Variants in PDE4B observed in about 807,000 individuals in gnomAD.
PDE4B encodes 3',5'-cyclic-AMP phosphodiesterase 4B.
PDE4B carries 20 observed loss-of-function variants against 82.2 expected under a neutral mutation model. The observed-to-expected ratio is 0.24, with a 90% CI of 0.17 to 0.35. The LOEUF is 0.35. Among genes scored for constraint, PDE4B ranks in the 10% least tolerant of loss-of-function variants. The probability of loss-of-function intolerance (pLI) is 1.00; values close to 1 mark genes in which losing one functional copy is unlikely to be tolerated. For missense variants in PDE4B, 655 were observed against 907.2 expected (o/e 0.72, Z 3.57); for synonymous variants, 320 against 318.9 (o/e 1.00, Z -0.04).
chr1:66,327,865 A>G (rs1047392102), intron 7 of PDE4B, among the ~76,000 whole-genome samples: 3 of 152,222 alleles, frequency 2.0e-5, no homozygotes, highest in Non-Finnish European at 4.4e-5. Flanking sequence ...GCAACTTTAA[A>G]TGCAGCATTT....
intron 3 of PDE4B, among the ~76,000 whole-genome samples, chr1:66,092,752 A>G (rs1303802164): frequency 6.6e-6 from 1 of 151,988 alleles, no homozygotes; most frequent in Non-Finnish European, 1.5e-5. Flanking sequence ...CTAGGTAAGC[A>G]TAACTGGGAG....
chr1:65,872,861 T>C (rs1460382547), intron 1 of PDE4B, among the ~76,000 whole-genome samples: 2 of 152,194 alleles, frequency 1.3e-5, no homozygotes, highest in African/African-American at 2.4e-5. Context: ...GAGGAAAGAA[T>C]ATAGAGGTTA....
chr1:65,871,512 A>T (rs945196054), intron 1 of PDE4B, among the ~76,000 whole-genome samples: 4 of 152,228 alleles, frequency 2.6e-5, no homozygotes, highest in African/African-American at 9.6e-5. Flanking sequence ...GCAAATAAGA[A>T]AATTATTTCA....
chr1:66,209,420 A>G (rs1649843261), intron 3 of PDE4B, among the ~76,000 whole-genome samples: 1 of 152,190 alleles, frequency 6.6e-6, no homozygotes. Flanking sequence ...TCTTGGATTC[A>G]GACCCAGCTG....
intron 1 of PDE4B, among the ~76,000 whole-genome samples, chr1:65,862,635 T>C (rs1341442828): frequency 1.3e-5 from 2 of 152,224 alleles, no homozygotes; most frequent in East Asian, 3.8e-4. Context: ...TACTAGCTCC[T>C]CTTTGTACCT....
At chr1:66,173,281 G>C (rs1017332224) in intron 3 of PDE4B, among the ~76,000 whole-genome samples, 6 of 152,180 alleles carry the variant, frequency 3.9e-5, no homozygotes, top group African/African-American at 1.2e-4. Flanking sequence ...AATAGGGCTG[G>C]ATAAGCCCTC....
chr1:66,205,960 C>G (rs1649513308), intron 3 of PDE4B, among the ~76,000 whole-genome samples: 6 of 152,168 alleles, frequency 3.9e-5, no homozygotes, highest in Admixed American at 3.9e-4. Context: ...TTTCTAGACA[C>G]TCACAGTGAC....
At chr1:66,371,798 G>GA (rs35429965) in intron 16 of PDE4B, among the ~76,000 whole-genome samples, 1 of 152,124 alleles carries the variant, frequency 6.6e-6, no homozygotes, top group Admixed American at 6.5e-5. Context: ...AGTTAACAAG[G>GA]AAAAAATATT....
intron 1 of PDE4B, among the ~76,000 whole-genome samples, chr1:65,836,555 A>G (rs1646142269): frequency 6.6e-6 from 1 of 151,990 alleles, no homozygotes; most frequent in South Asian, 2.1e-4. Flanking sequence ...GGGGCATCCT[A>G]TTGCTCTGGC....
chr1:65,954,078 G>A (rs181871040), intron 3 of PDE4B, among the ~76,000 whole-genome samples: 11 of 152,068 alleles, frequency 7.2e-5, no homozygotes, highest in Non-Finnish European at 1.6e-4. Flanking sequence ...TGTATTTTTA[G>A]TAGATACGGG....
chr1:65,876,260 G>A (rs567689240), intron 1 of PDE4B, among the ~76,000 whole-genome samples: 49 of 152,030 alleles, frequency 3.2e-4, no homozygotes, highest in African/African-American at 1.2e-3. Context: ...ACATTTCTGT[G>A]TATAATTTAA....
At chr1:66,328,966 C>A (rs1348420133) in intron 7 of PDE4B, among the ~76,000 whole-genome samples, 12 of 152,188 alleles carry the variant, frequency 7.9e-5, no homozygotes, top group Non-Finnish European at 1.6e-4. Flanking sequence ...TGCTAAGATC[C>A]AAGGGGTTGT....
In PDE4B at chr1:66,374,348, A is replaced by C. The variant is rs2050891676; in HGVS notation, c.*1670A>C. 1 of 152,660 alleles carries C rather than the reference A, an allele frequency of 6.6e-6. No individual in the cohort carries two copies. Among genetic ancestry groups the C allele is most frequent in the African/African-American group, 2.4e-5 (1 of 41,442 alleles). 9.5% of individuals were successfully genotyped at this position (152,660 alleles called of 1,614,324 possible). On this transcript the variant is annotated 3_prime_UTR_variant, in exon 17 of 17. Coordinates refer to ENST00000341517, the MANE Select transcript of PDE4B (RefSeq NM_002600.4). ...TTACTGATGTCAGTTTCAGTTTGTAAAATATGTTTCATGCTTTCAGTTCAG... is the reference window on the plus strand; with the variant it reads ...TTACTGATGTCAGTTTCAGTTTGTACAATATGTTTCATGCTTTCAGTTCAG...
rs182106952 is a variant in PDE4B, at chr1:66,174,669, T to C, written c.282-72791T>C. ...TACTCAGGAGGCTGAGGCAGGAGAA[T>C]GACTTGAACCTGGGAGGTGGAGGTT... On this transcript the variant is annotated intron_variant, in intron 3 of 16. Transcript: ENST00000341517. Among the ~76,000 whole-genome samples, 222 of 152,024 alleles carry C rather than the reference T, an allele frequency of 1.5e-3. 2 individuals are homozygous for C. In the Middle Eastern group the frequency reaches 0.017, roughly 12 times the overall value.
intron 3 of PDE4B, among the ~76,000 whole-genome samples, chr1:66,120,103 C>A (rs1177625931): frequency 6.6e-6 from 1 of 152,304 alleles, no homozygotes; most frequent in South Asian, 2.1e-4. Flanking sequence ...TTTACAACAG[C>A]CTTCGGAAAC....
intron 1 of PDE4B, among the ~76,000 whole-genome samples, chr1:65,860,567 TG>T (rs1646443204): frequency 6.6e-6 from 1 of 152,236 alleles, no homozygotes; most frequent in South Asian, 2.1e-4. Context: ...TACCCAGTAA[TG>T]GGATTGCTGG....
In PDE4B at chr1:65,906,328, G is replaced by A. The variant is rs563120724; in HGVS notation, c.-70-6917G>A. Among the ~76,000 whole-genome samples, 6 of 152,256 alleles carry A rather than the reference G, an allele frequency of 3.9e-5. No homozygotes were observed. The East Asian group carries it at 9.6e-4, about 24-fold the overall frequency. On this transcript the variant is annotated intron_variant, in intron 1 of 16. Coordinates refer to ENST00000341517, the MANE Select transcript of PDE4B (RefSeq NM_002600.4). ...CTAATGCCATCTTCACTTTGGCACA[G>A]TGATAACTCAGAGATGAAAACTCTC...
At chr1:66,314,780 C>G (rs146236080) in intron 7 of PDE4B, among the ~76,000 whole-genome samples, 1 of 152,284 alleles carries the variant, frequency 6.6e-6, no homozygotes, top group African/African-American at 2.4e-5. Flanking sequence ...TCATTTTGGC[C>G]GCCATGCCAT....
At chr1:66,013,580 C>A (rs1426372160) in intron 3 of PDE4B, among the ~76,000 whole-genome samples, 1 of 151,958 alleles carries the variant, frequency 6.6e-6, no homozygotes, top group African/African-American at 2.4e-5. Context: ...AACCAGCCTC[C>A]AGAACTCTTT....
Sources: allele counts gnomAD v4.1 joint callset (sites outside exome capture counted in the v4.1 genomes callset), GRCh38; gene constraint gnomAD v4.1.1; transcripts MANE v1.5; gene names NCBI Gene and HGNC (gene_info 2026-07-23, HGNC 2026-07-21).